ATP10A: variants seen among roughly 807,000 people sequenced by gnomAD.
The protein encoded by ATP10A is ATPase phospholipid transporting 10A (putative).
ATP10A carries 111 observed loss-of-function variants against 147.8 expected under a neutral mutation model. The observed-to-expected ratio is 0.75, with a 90% CI of 0.64 to 0.88. ATP10A has a LOEUF of 0.88. Ranked by LOEUF, ATP10A falls within the 40% of genes least tolerant of loss-of-function variation. The probability of loss-of-function intolerance (pLI) is 0.00; values close to 1 mark genes in which losing one functional copy is unlikely to be tolerated. For missense variants in ATP10A, 1,927 were observed against 1,959.0 expected (o/e 0.98, Z 0.31); for synonymous variants, 875 against 841.6 (o/e 1.04, Z -0.69).
chr15:25,807,598 T>A (rs1055030835), intron 1 of ATP10A, among the ~76,000 whole-genome samples: 27 of 151,812 alleles, frequency 1.8e-4, no homozygotes, highest in Non-Finnish European at 1.2e-4. Flanking sequence ...AGGTCAAGAG[T>A]TCGAGACCAG....
In ATP10A at chr15:25,862,960, T is replaced by C; in HGVS notation, c.137A>G (p.Lys46Arg). ...GAEDPAAGAA[K>R]GERRRRRGCA... ...CCCGCGCCGCCGTCGCCGCTCGCCC[T>C]TGGCCGCGCCAGCCGCAGGGTCCTC... The change falls in exon 1 of 21, where the codon AAG (lysine) becomes AGG (arginine). Residue 46 changes from lysine (K) to arginine (R), a missense_variant. Transcript: ENST00000555815. 6.5e-7 allele frequency: 1 copy of C among 1,542,498 alleles called. No homozygotes were observed. The highest frequency in any genetic ancestry group is 8.7e-7 in the Non-Finnish European group (1 of 1,151,952).
intron 2 of ATP10A, among the ~76,000 whole-genome samples, chr15:25,742,300 C>T (rs1257151345): frequency 2.0e-5 from 3 of 152,214 alleles, no homozygotes; most frequent in Non-Finnish European, 4.4e-5. Context: ...GGGAGGCTCA[C>T]GCCTCAGAGA....
intron 2 of ATP10A, among the ~76,000 whole-genome samples, chr15:25,737,103 G>A (rs1460249491): frequency 2.0e-5 from 3 of 152,242 alleles, no homozygotes; most frequent in African/African-American, 7.2e-5. Context: ...GCGTGTGCTA[G>A]ATAATCGTAG....
In ATP10A at chr15:25,808,508, C is replaced by T. The variant is rs187910798; in HGVS notation, c.450-27285G>A. ...CAAGCTATTCTGCTTCCTCAGCCTC[C>T]GGAGCAGCTGGGATTACAGGCATGC... On this transcript the variant is annotated intron_variant, in intron 1 of 20. Coordinates refer to ENST00000555815, the MANE Select transcript of ATP10A (RefSeq NM_024490.4). Among the ~76,000 whole-genome samples the T allele has an allele frequency of 2.1e-3, 317 of 152,340 alleles. 3 individuals are homozygous for T. The highest frequency in any genetic ancestry group is 5.6e-4 in the Non-Finnish European group (38 of 68,042).
In ATP10A at chr15:25,683,272, C is replaced by T. The variant is rs202212051; in HGVS notation, c.3492+14G>A. The T allele has an allele frequency of 3.2e-5, 51 of 1,611,868 alleles. No individual in the cohort carries two copies. The highest frequency in any genetic ancestry group is 2.5e-4 in the East Asian group (11 of 44,848). ...GCTCAGGAGGTGGAAGGCGGAGACT[C>T]GGGGGAGCTTTACCTCCATGTTCTG... is the stretch of plus-strand genomic sequence containing the variant. On this transcript the variant is annotated intron_variant, in intron 17 of 20. Transcript: ENST00000555815.
At chr15:25,676,532 A>G (rs2140263071), downstream of ATP10A, among the ~76,000 whole-genome samples, 1 of 152,302 alleles carries the variant, frequency 6.6e-6, no homozygotes, top group East Asian at 1.9e-4. Context: ...TATCTATTCT[A>G]TAAATGACTG....
chr15:25,737,721 G>A (rs1490220752), intron 2 of ATP10A, among the ~76,000 whole-genome samples: 1 of 152,144 alleles, frequency 6.6e-6, no homozygotes, highest in East Asian at 1.9e-4. Flanking sequence ...ACCCCACGTA[G>A]CTCAGAACGT....
chr15:25,725,810 G>C, intron 5 of ATP10A, 141 bp downstream of exon 5: 1 of 1,030,768 alleles, frequency 9.7e-7, no homozygotes, highest in Non-Finnish European at 1.3e-6. Flanking sequence ...GTAGAGATGG[G>C]ATTTCACCAT....
At chr15:25,678,021 G>C (rs1899174113), downstream of ATP10A, 1 of 152,372 alleles carries the variant, frequency 6.6e-6, no homozygotes, top group Non-Finnish European at 1.5e-5. Flanking sequence ...GTGAACAGAG[G>C]CAGACTCAGG....
intron 1 of ATP10A, among the ~76,000 whole-genome samples, chr15:25,811,806 A>T (rs1891445799): frequency 6.6e-6 from 1 of 152,138 alleles, no homozygotes; most frequent in South Asian, 2.1e-4. Context: ...CCTCGTCCAG[A>T]TGGATGTGGG....
At chr15:25,750,395 T>G (rs1888081541) in intron 2 of ATP10A, among the ~76,000 whole-genome samples, 1 of 151,834 alleles carries the variant, frequency 6.6e-6, no homozygotes, top group Non-Finnish European at 1.5e-5. Context: ...TTTGCACATA[T>G]ACAAAAGCTG....
At chr15:25,692,343 TAGAAA>T (rs1900083366) in intron 14 of ATP10A, among the ~76,000 whole-genome samples, 1 of 152,138 alleles carries the variant, frequency 6.6e-6, no homozygotes, top group Non-Finnish European at 1.5e-5. Context: ...AATTTGTTGA[TAGAAA>T]ATGTTTAGGA....
intron 8 of ATP10A, among the ~76,000 whole-genome samples, chr15:25,717,267 A>G (rs2140406162): frequency 6.6e-6 from 1 of 152,304 alleles, no homozygotes; most frequent in East Asian, 1.9e-4. Context: ...GCTTTTAAGA[A>G]TTATTTAAAA....
downstream of ATP10A, among the ~76,000 whole-genome samples, chr15:25,673,258 T>C (rs1260079343): frequency 1.3e-5 from 2 of 152,278 alleles, no homozygotes; most frequent in African/African-American, 4.8e-5. Context: ...CCCTATGCGC[T>C]GGGCAGGGGC....
chr15:25,692,851 A>G (rs991590078), intron 14 of ATP10A, among the ~76,000 whole-genome samples: 1 of 152,012 alleles, frequency 6.6e-6, no homozygotes, highest in African/African-American at 2.4e-5. Context: ...GCTAGGTGGG[A>G]GTGCAGTGGC....
intron 1 of ATP10A, among the ~76,000 whole-genome samples, chr15:25,790,430 T>C (rs1890357111): frequency 6.6e-6 from 1 of 152,238 alleles, no homozygotes; most frequent in South Asian, 2.1e-4. Flanking sequence ...TGGAAAATAC[T>C]GGTCGCTCTG....
chr15:25,767,401 C>T (rs984994610), intron 2 of ATP10A, among the ~76,000 whole-genome samples: 9 of 152,140 alleles, frequency 5.9e-5, no homozygotes, highest in Non-Finnish European at 1.3e-4. Context: ...TGAACCAGGG[C>T]TCAGGCAGAG....
At chr15:25,708,377 CCCA>C (rs1901180569) in intron 10 of ATP10A, 77 bp from the exon 11 acceptor site, 1 of 1,302,626 alleles carries the variant, frequency 7.7e-7, no homozygotes, top group Non-Finnish European at 1.1e-6. Context: ...CGAGATTTAC[CCCA>C]CGTCTGTTCG....
At chr15:25,701,799 C>A (rs1028644847) in intron 13 of ATP10A, 117 bp downstream of exon 13, 2 of 1,035,806 alleles carry the variant, frequency 1.9e-6, no homozygotes, top group Admixed American at 2.5e-5. Flanking sequence ...AACCCGAATG[C>A]GGAGGGTGAG....
Sources: allele counts gnomAD v4.1 joint callset (sites outside exome capture counted in the v4.1 genomes callset), GRCh38; gene constraint gnomAD v4.1.1; transcripts MANE v1.5; gene names NCBI Gene and HGNC (gene_info 2026-07-23, HGNC 2026-07-21).